The following MPHOSPH9 variants were observed in gnomAD, a reference collection of about 807,000 sequenced individuals.
MPHOSPH9 encodes the protein M-phase phosphoprotein 9.
MPHOSPH9 carries 88 observed loss-of-function variants against 145.5 expected under a neutral mutation model. That is an observed-to-expected ratio of 0.60 (90% CI 0.51 to 0.72). The LOEUF (loss-of-function observed/expected upper bound fraction) is 0.72, where lower values mean the gene tolerates loss of function less well. Ranked by LOEUF, MPHOSPH9 falls within the 30% of genes least tolerant of loss-of-function variation. MPHOSPH9 has a pLI of 0.00. For missense variants in MPHOSPH9, 1,238 were observed against 1,386.6 expected, an observed-to-expected ratio of 0.89 and a Z score of 1.70; for synonymous variants, 435 against 486.2, an observed-to-expected ratio of 0.89 and a Z score of 1.39.
upstream of MPHOSPH9, among the ~76,000 whole-genome samples, chr12:123,236,854 C>T (rs1027164685): frequency 6.6e-5 from 10 of 152,134 alleles, no homozygotes; most frequent in Non-Finnish European, 1.3e-4. Context: ...GAGGCCGAGG[C>T]GGGCGGATCG....
chr12:123,209,789 T>G (rs1300223009), intron 8 of MPHOSPH9, among the ~76,000 whole-genome samples: 2 of 142,510 alleles, frequency 1.4e-5, no homozygotes, highest in Non-Finnish European at 3.0e-5. Flanking sequence ...CAGGCTGGAG[T>G]GCAGTGGCGC....
At chr12:123,229,027 T>C (rs574785984) in intron 2 of MPHOSPH9, among the ~76,000 whole-genome samples, 1 of 152,346 alleles carries the variant, frequency 6.6e-6, no homozygotes, top group Admixed American at 6.5e-5. Context: ...ACATATTCCT[T>C]TGTTTTTTAC....
intron 13 of MPHOSPH9, among the ~76,000 whole-genome samples, chr12:123,186,219 C>A (rs2138159664): frequency 1.2e-5 from 1 of 85,280 alleles, no homozygotes; most frequent in Non-Finnish European, 2.0e-5. Context: ...AAGAGCAAAA[C>A]TCCGTCTCAA....
At chr12:123,165,694 G>A (rs1276879323) in intron 17 of MPHOSPH9, 13 of 471,326 alleles carry the variant, frequency 2.8e-5, no homozygotes, top group Non-Finnish European at 4.5e-5. Context: ...AGAGGCAGGA[G>A]CGCTCTCTCT....
chr12:123,229,541 CAACTTT>C (rs1478008630), intron 2 of MPHOSPH9, among the ~76,000 whole-genome samples: 2 of 152,206 alleles, frequency 1.3e-5, no homozygotes, highest in Non-Finnish European at 1.5e-5. Flanking sequence ...TCCTAATACT[CAACTTT>C]AACTGCTACT....
At chr12:123,204,792 T>C (rs566909770) in intron 8 of MPHOSPH9, among the ~76,000 whole-genome samples, 1 of 152,238 alleles carries the variant, frequency 6.6e-6, no homozygotes, top group East Asian at 1.9e-4. Flanking sequence ...GGACGATCAC[T>C]TGAACCCAGG....
At chr12:123,239,692 G>C (rs1211244074) in intron 1 of MPHOSPH9, among the ~76,000 whole-genome samples, 1 of 152,122 alleles carries the variant, frequency 6.6e-6, no homozygotes, top group Admixed American at 6.6e-5. Context: ...GTGAGCTACC[G>C]CGCCCAGCCC....
chr12:123,180,205 C>T (rs2045063769), intron 14 of MPHOSPH9, among the ~76,000 whole-genome samples: 1 of 152,136 alleles, frequency 6.6e-6, no homozygotes, highest in South Asian at 2.1e-4. Context: ...TGTAAGTCCC[C>T]TGGGTAACAG....
At chr12:123,243,603 G>A (rs2047983957) in intron 1 of MPHOSPH9, among the ~76,000 whole-genome samples, 1 of 152,076 alleles carries the variant, frequency 6.6e-6, no homozygotes, top group Non-Finnish European at 1.5e-5. Flanking sequence ...TACTCGGGAG[G>A]CTGAGGCAGG....
upstream of MPHOSPH9, among the ~76,000 whole-genome samples, chr12:123,235,405 G>A (rs2138736656): frequency 6.6e-6 from 1 of 150,822 alleles, no homozygotes; most frequent in Admixed American, 6.6e-5. Context: ...AACGTAGTGA[G>A]TTTTGTGTGT....
chr12:123,237,161 A>G (rs1237512116), upstream of MPHOSPH9, among the ~76,000 whole-genome samples: 1 of 152,092 alleles, frequency 6.6e-6, no homozygotes, highest in African/African-American at 2.4e-5. Flanking sequence ...TTCTGCTTAA[A>G]AAAAAATAAA....
Position 123,214,757 on chromosome 12 carries a change from A to T in MPHOSPH9, c.1074T>A (p.Ser358=), listed in dbSNP as rs375716335. The change falls in exon 7 of 24, where the codon TCT becomes TCA. Residue 358 remains serine, a synonymous_variant. Coordinates refer to ENST00000606320, the MANE Select transcript of MPHOSPH9 (RefSeq NM_022782.4). ...TAAGTATCATACCTGTTCCTGAATCAGACATCCAAGCATTTGGAGTTTCAT... is the reference window on the plus strand; with the variant it reads ...TAAGTATCATACCTGTTCCTGAATCTGACATCCAAGCATTTGGAGTTTCAT... ...KPDETPNAWM[S]DSGTGLTYWK... 90 of 1,611,302 alleles carry T rather than the reference A, an allele frequency of 5.6e-5. No homozygotes were observed. The highest frequency in any genetic ancestry group is 7.6e-5 in the Non-Finnish European group (90 of 1,177,628).
intron 7 of MPHOSPH9, 32 bp downstream of exon 7, chr12:123,214,712 G>A (rs1455953201): frequency 6.5e-7 from 1 of 1,529,310 alleles, no homozygotes; most frequent in East Asian, 2.3e-5. Flanking sequence ...ATGTAGTTTA[G>A]GTTAAAAAAA....
chr12:123,194,042 G>A (rs1000515563), intron 13 of MPHOSPH9, among the ~76,000 whole-genome samples: 4 of 152,178 alleles, frequency 2.6e-5, no homozygotes, highest in Non-Finnish European at 4.4e-5. Context: ...GCTGAGGCGG[G>A]CGGATCACCT....
chr12:123,222,084 C>T (rs1268873663), intron 4 of MPHOSPH9, among the ~76,000 whole-genome samples, 189 bp from the exon 5 acceptor site: 1 of 152,120 alleles, frequency 6.6e-6, no homozygotes, highest in Non-Finnish European at 1.5e-5. Flanking sequence ...CCTGTAATCC[C>T]AGCACTTTGG....
chr12:123,238,956 G>A (rs2047890777), intron 1 of MPHOSPH9, among the ~76,000 whole-genome samples: 1 of 151,970 alleles, frequency 6.6e-6, no homozygotes, highest in African/African-American at 2.4e-5. Flanking sequence ...TCATATTTAG[G>A]GGGAAAAAAG....
At position 123,187,549 on chromosome 12, in the gene MPHOSPH9, A is replaced by G. The variant is rs533183236; in HGVS notation, c.2242-6339T>C. On this transcript the variant is annotated intron_variant, in intron 13 of 23. Coordinates refer to ENST00000606320, the MANE Select transcript of MPHOSPH9 (RefSeq NM_022782.4). ...CAAAACAAAGCCAAGAAATAGGCAA[A>G]ATAATTTTTACAAGAGCAAAAAAAC... Among the ~76,000 whole-genome samples the G allele has an allele frequency of 1.4e-4, 21 of 152,226 alleles. No homozygotes were observed. In the South Asian group the frequency reaches 4.2e-3, roughly 30 times the overall value.
Position 123,216,065 on chromosome 12 carries a change from G to A in MPHOSPH9, c.997-1231C>T, listed in dbSNP as rs530120203. On this transcript the variant is annotated intron_variant, in intron 6 of 23. Transcript: ENST00000606320. ...ATCCTGGCTAACACGGTGAAACCCC[G>A]TCTCTACTAAAAATACAAAAAATTA... 2.2e-3 allele frequency among the ~76,000 whole-genome samples: 340 copies of A among 152,252 alleles called. 1 individual carries two copies. Among genetic ancestry groups the A allele is most frequent in the Non-Finnish European group, 3.9e-3 (267 of 68,000 alleles).
intron 17 of MPHOSPH9, among the ~76,000 whole-genome samples, chr12:123,165,845 G>A (rs1001012928): frequency 2.6e-5 from 4 of 152,122 alleles, no homozygotes; most frequent in South Asian, 2.1e-4. Flanking sequence ...CCCAGTCTAC[G>A]GTAATTTGTT....
Sources: gnomAD v4.1 joint callset for allele counts (sites outside exome capture counted in the v4.1 genomes callset) on GRCh38, gnomAD v4.1.1 for gene constraint, MANE v1.5 for transcripts, NCBI Gene and HGNC (gene_info 2026-07-23, HGNC 2026-07-21) for gene names.